Variants in NXPE4 observed in about 807,000 individuals in gnomAD.
NXPE4 encodes NXPE family member 4.
A neutral mutation model predicts 33.3 loss-of-function variants in NXPE4; 42 were observed. That is an observed-to-expected ratio of 1.26 (90% CI 0.98 to 1.63). NXPE4 has a LOEUF of 1.63. NXPE4 is among the 40% of genes most tolerant of loss of function. The probability of loss-of-function intolerance (pLI) is 0.00; values close to 1 mark genes in which losing one functional copy is unlikely to be tolerated. For missense variants in NXPE4, 709 were observed against 647.6 expected, an observed-to-expected ratio of 1.09 and a Z score of -1.03; for synonymous variants, 253 against 234.9, an observed-to-expected ratio of 1.08 and a Z score of -0.71.
At chr11:114,632,019 A>T in the NXPE4 span, among the ~76,000 whole-genome samples, 1 of 147,428 alleles carries the variant, frequency 6.8e-6, no homozygotes, top group Non-Finnish European at 1.5e-5. Context: ...CTAATAGATA[A>T]TAATTATACT....
the NXPE4 span, among the ~76,000 whole-genome samples, chr11:114,663,586 CATCTATCT>C: frequency 1.1e-3 from 150 of 132,992 alleles, no homozygotes; most frequent in African/African-American, 2.6e-3. Flanking sequence ...CTCTATCTAT[CATCTATCT>C]ATCTATCTAT....
the NXPE4 span, among the ~76,000 whole-genome samples, chr11:114,645,023 C>T: frequency 4.0e-4 from 60 of 151,714 alleles, no homozygotes; most frequent in South Asian, 2.5e-3. Context: ...AAAAACAGGC[C>T]GGGCATAGTG....
the NXPE4 span, among the ~76,000 whole-genome samples, chr11:114,656,673 A>G: frequency 6.6e-6 from 1 of 152,008 alleles, no homozygotes; most frequent in Non-Finnish European, 1.5e-5. Flanking sequence ...AATCACAAGC[A>G]CTCCTTTACA....
At chr11:114,633,942 T>C in the NXPE4 span, among the ~76,000 whole-genome samples, 1 of 152,072 alleles carries the variant, frequency 6.6e-6, no homozygotes, top group Non-Finnish European at 1.5e-5. Flanking sequence ...TGTGTCTTTA[T>C]AGCAGCATGA....
the NXPE4 span, among the ~76,000 whole-genome samples, chr11:114,639,742 T>TATATATTATATTAAATATAAA: frequency 8.6e-6 from 1 of 116,940 alleles, no homozygotes; most frequent in Non-Finnish European, 1.7e-5. Flanking sequence ...TATAAAATAA[T>TATATATTATATTAAATATAAA]ATATAATATA....
the NXPE4 span, among the ~76,000 whole-genome samples, chr11:114,630,529 G>T: frequency 6.6e-6 from 1 of 151,528 alleles, no homozygotes; most frequent in African/African-American, 2.4e-5. Context: ...AATTCAAGAT[G>T]GATTAAAGAC....
At chr11:114,633,879 G>T in the NXPE4 span, among the ~76,000 whole-genome samples, 50 of 152,114 alleles carry the variant, frequency 3.3e-4, no homozygotes, top group South Asian at 4.1e-3. Context: ...GGATATTGGG[G>T]TTGGTTCCAA....
the NXPE4 span, among the ~76,000 whole-genome samples, chr11:114,635,468 C>T: frequency 0.056 from 8,401 of 151,012 alleles, 814 homozygotes; most frequent in African/African-American, 0.19. Context: ...CCTTCTCCTG[C>T]GTAATTGCCC....
In NXPE4 at chr11:114,594,666, T is replaced by C. The variant is rs762658104; in HGVS notation, c.94A>G (p.Lys32Glu). The C allele has an allele frequency of 1.9e-6, 3 of 1,585,454 alleles. No individual in the cohort carries two copies. The highest frequency in any genetic ancestry group is 1.7e-5 in the Admixed American group (1 of 58,538). The change falls in exon 2 of 6, where the codon AAG becomes GAG. Residue 32 changes from lysine (K) to glutamate (E), a missense_variant and splice_region_variant. By Grantham distance (56) the Lys-to-Glu change is moderately conservative. Transcript: ENST00000375478. Reference protein sequence around the residue: ...IIFTVFQNSTKVWSALNLSIS... With the variant: ...IIFTVFQNSTEVWSALNLSIS... The stretch of plus-strand genomic sequence containing the variant: ...CACATAAATAAAGCATTTCCTACCT[T>C]TGTGGAGTTCTGGAAAACTGTAAAA...
In NXPE4 at chr11:114,571,423, C is replaced by G; in HGVS notation, c.1150G>C (p.Ala384Pro). ...TTGATGTTCCTATCCAAATCCACAG[C>G]AAGCTGGTGTTGCAATTTTCCAGAT... ...HESGKLQHQL[A>P]VDLDRNINIQ... The change falls in exon 6 of 6, where the codon GCT becomes CCT. Residue 384 changes from alanine (A) to proline (P), a missense_variant. By Grantham distance (27) the Ala-to-Pro change is conservative (BLOSUM62 -1). Coordinates refer to ENST00000375478, the MANE Select transcript of NXPE4 (RefSeq NM_001077639.2). The G allele has an allele frequency of 6.2e-7, 1 of 1,611,508 alleles. No individual in the cohort carries two copies. Among genetic ancestry groups the G allele is most frequent in the Non-Finnish European group, 8.5e-7 (1 of 1,177,904 alleles).
chr11:114,668,564 G>A, the NXPE4 span, among the ~76,000 whole-genome samples: 1 of 152,030 alleles, frequency 6.6e-6, no homozygotes, highest in East Asian at 1.9e-4. Flanking sequence ...AACTCAGTTA[G>A]AGTTCTCCAG....
the NXPE4 span, among the ~76,000 whole-genome samples, chr11:114,677,738 T>G: frequency 6.6e-6 from 1 of 152,044 alleles, no homozygotes; most frequent in Non-Finnish European, 1.5e-5. Flanking sequence ...AGTATACACA[T>G]GTATATATCC....
Position 114,594,740 on chromosome 11 carries a change from T to A in NXPE4, c.20A>T (p.Asn7Ile). Residue 7 changes from asparagine (N) to isoleucine (I), a missense_variant, in exon 2 of 6, where the codon AAT becomes ATT. Coordinates refer to ENST00000375478, the MANE Select transcript of NXPE4 (RefSeq NM_001077639.2). ...CAACAGTGCCAATAGTGACTTATAA[T>A]TTATCATACTTATTTTCATGATTAG... MKISMI[N>I]YKSLLALLFI... The A allele has an allele frequency of 6.4e-7, 1 of 1,563,590 alleles. No homozygotes were observed. The highest frequency in any genetic ancestry group is 8.8e-7 in the Non-Finnish European group (1 of 1,139,634).
At chr11:114,602,332 ATGT>A in the NXPE4 span, among the ~76,000 whole-genome samples, 1 of 122,068 alleles carries the variant, frequency 8.2e-6, no homozygotes, top group African/African-American at 3.1e-5. Flanking sequence ...TACTATATAT[ATGT>A]TATCTATAAC....
chr11:114,671,172 A>C, the NXPE4 span, among the ~76,000 whole-genome samples: 17 of 150,958 alleles, frequency 1.1e-4, 1 homozygote, highest in South Asian at 2.9e-3. Flanking sequence ...AGTGATACTT[A>C]ACAGTAGATT....
the NXPE4 span, among the ~76,000 whole-genome samples, chr11:114,611,422 C>T: frequency 6.6e-6 from 1 of 151,168 alleles, no homozygotes; most frequent in South Asian, 2.1e-4. Flanking sequence ...TAAGTATTGC[C>T]TCTAGGGTAA....
chr11:114,613,686 C>T, the NXPE4 span, among the ~76,000 whole-genome samples: 3 of 151,868 alleles, frequency 2.0e-5, no homozygotes, highest in Admixed American at 1.3e-4. Context: ...ATAAGTGTTG[C>T]CTCGTGGGGA....
the NXPE4 span, among the ~76,000 whole-genome samples, chr11:114,604,557 C>T: frequency 1.3e-5 from 2 of 152,020 alleles, no homozygotes; most frequent in Non-Finnish European, 2.9e-5. Context: ...TGGATAACCA[C>T]TGTTACCTGG....
chr11:114,580,035 T>G (rs1284590244), intron 5 of NXPE4, 97 bp downstream of exon 5: 1 of 1,084,004 alleles, frequency 9.2e-7, no homozygotes, highest in African/African-American at 1.6e-5. Flanking sequence ...TTGAAGAATA[T>G]GAAAAAAAGA....
Sources: gnomAD v4.1 joint callset for allele counts (sites outside exome capture counted in the v4.1 genomes callset) on GRCh38, gnomAD v4.1.1 for gene constraint, MANE v1.5 for transcripts, NCBI Gene and HGNC (gene_info 2026-07-23, HGNC 2026-07-21) for gene names.